Variants in VPS28 observed in about 807,000 individuals in gnomAD.
The protein encoded by VPS28 is vacuolar protein sorting-associated protein 28 homolog.
Under a neutral mutation model 33.7 loss-of-function variants are expected in VPS28, and 29 were observed. That is an observed-to-expected ratio of 0.86 (90% CI 0.64 to 1.17). The LOEUF (loss-of-function observed/expected upper bound fraction) is 1.17, where lower values mean the gene tolerates loss of function less well. Among genes scored for constraint, VPS28 ranks in the 50% most tolerant of loss-of-function variants. VPS28 has a pLI of 0.00. For missense variants in VPS28, 247 were observed against 312.2 expected (o/e 0.79, Z 1.57); for synonymous variants, 164 against 116.7 (o/e 1.40, Z -2.61).
intron 2 of VPS28, chr8:144,426,624 A>G: frequency 4.1e-6 from 2 of 484,356 alleles, no homozygotes; most frequent in Admixed American, 3.7e-5. Flanking sequence ...AAGGCTCACC[A>G]CACACAGCCT....
intron 1 of VPS28, chr8:144,427,209 G>A (rs557722880): frequency 1.0e-4 from 34 of 328,724 alleles, no homozygotes; most frequent in Non-Finnish European, 1.7e-4. Flanking sequence ...TGAGGCAGGA[G>A]AATCGCTTGA....
rs1303744314 is a variant in VPS28, at chr8:144,426,848, A to G, written c.37+61T>C. The G allele has an allele frequency of 5.6e-6, 9 of 1,595,892 alleles. No homozygotes were observed. In the Admixed American group the frequency reaches 6.7e-5, roughly 12 times the overall value. On this transcript the variant is annotated intron_variant, in intron 2 of 9. Coordinates refer to ENST00000292510, the MANE Select transcript of VPS28 (RefSeq NM_016208.4). ...CCCCACCCCCGATCCCCAATACCCAATACTGCCCGTCAGCCCCTGCAGAAG... is the reference window on the plus strand; with the variant it reads ...CCCCACCCCCGATCCCCAATACCCAGTACTGCCCGTCAGCCCCTGCAGAAG...
chr8:144,428,063 T>C (rs1586673246), intron 1 of VPS28, among the ~76,000 whole-genome samples: 1 of 150,732 alleles, frequency 6.6e-6, no homozygotes, highest in Admixed American at 6.6e-5. Flanking sequence ...GCCGAAGCCC[T>C]GGGGCGCCCC....
At chr8:144,426,526 A>G (rs1554876832) in intron 2 of VPS28, 2 of 426,962 alleles carry the variant, frequency 4.7e-6, no homozygotes, top group African/African-American at 4.1e-5. Flanking sequence ...TGACAGGCCC[A>G]GCTCCCCAGC....
At chr8:144,425,971 C>T (rs1822708201) in intron 4 of VPS28, 55 bp downstream of exon 4, 6 of 1,470,534 alleles carry the variant, frequency 4.1e-6, no homozygotes, top group East Asian at 2.5e-5. Flanking sequence ...GGGGCTGCCC[C>T]AGGGCAGCCA....
chr8:144,425,123 C>G (rs1019929826), intron 5 of VPS28, 72 bp from the exon 6 acceptor site: 11 of 1,387,588 alleles, frequency 7.9e-6, no homozygotes, highest in Admixed American at 2.0e-5. Flanking sequence ...CTCGGCTGGT[C>G]CAGAGGCAAA....
intron 2 of VPS28, chr8:144,426,669 C>T: frequency 1.9e-6 from 1 of 523,882 alleles, no homozygotes; most frequent in Non-Finnish European, 3.4e-6. Flanking sequence ...GTGCCCAGGA[C>T]CCCCACCGTT....
At position 144,426,520 on chromosome 8, in the gene VPS28, A is replaced by G. The variant is rs561869796; in HGVS notation, c.38-312T>C. On this transcript the variant is annotated intron_variant, in intron 2 of 9. Coordinates refer to ENST00000292510, the MANE Select transcript of VPS28 (RefSeq NM_016208.4). ...GCGGCTCCCCGGGGGACCGCATGAC[A>G]GGCCCAGCTCCCCAGCTCCACCATG... 2.0e-4 allele frequency: 85 copies of G among 434,616 alleles called. 3 individuals carry two copies. In the South Asian group the frequency reaches 2.4e-3, roughly 12 times the overall value. The allele number at this position is 434,616 out of a possible 1,614,324, so 26.9% of individuals were successfully genotyped here.
chr8:144,426,094 T>G (rs781809161), intron 3 of VPS28, 31 bp from the exon 4 acceptor site: 4 of 1,558,586 alleles, frequency 2.6e-6, no homozygotes, highest in African/African-American at 1.4e-5. Flanking sequence ...TGTGGGCCAG[T>G]GCCAACAGGG....
intron 2 of VPS28, chr8:144,426,635 C>T (rs1005545425): frequency 1.6e-5 from 8 of 498,554 alleles, no homozygotes; most frequent in African/African-American, 1.6e-4. Flanking sequence ...CACACAGCCT[C>T]TCCCCTGGGA....
Position 144,424,087 on chromosome 8 carries a change from T to C in VPS28, c.502A>G (p.Ser168Gly). 9 of 1,561,834 alleles carry C rather than the reference T, an allele frequency of 5.8e-6. No individual in the cohort carries two copies. Among genetic ancestry groups the C allele is most frequent in the Non-Finnish European group, 7.0e-6 (8 of 1,150,610 alleles). ...RELMETMHRM[S>G]HLPPDFEGRQ... The stretch of plus-strand genomic sequence containing the variant: ...CCCTCAAAGTCGGGTGGGAGGTGGC[T>C]CATGCGGTGCATGGTCTCCATCAGC... Residue 168 changes from serine (S) to glycine (G), a missense_variant, in exon 9 of 10, where the codon AGC becomes GGC. Around this residue, in one of 3 missense-constraint regions of VPS28, gnomAD observed 95 missense variants for 118.3 expected, o/e 0.80. Transcript: ENST00000292510.
chr8:144,425,280 C>T (rs1300561177), intron 5 of VPS28: 3 of 595,278 alleles, frequency 5.0e-6, no homozygotes, highest in East Asian at 2.8e-5. Context: ...CAACCCCTGC[C>T]CACCCTCTGA....
At chr8:144,424,542 G>T in intron 7 of VPS28, 176 bp downstream of exon 7, 1 of 822,394 alleles carries the variant, frequency 1.2e-6, no homozygotes, top group Non-Finnish European at 1.9e-6. Context: ...GAGTCCAGGT[G>T]GCCTGGGGGC....
Position 144,424,659 on chromosome 8 carries a change from C to T in VPS28, c.402+59G>A. The stretch of plus-strand genomic sequence containing the variant: ...GAGGCCCAGGACCCTACGCTCGTGC[C>T]CAGCTGCAGCAGGCAGCCTCGGCTC... On this transcript the variant is annotated intron_variant, in intron 7 of 9. Coordinates refer to ENST00000292510, the MANE Select transcript of VPS28 (RefSeq NM_016208.4). 3 of 1,577,426 alleles carry T rather than the reference C, an allele frequency of 1.9e-6. No homozygotes were observed. The South Asian group carries it at 3.3e-5, about 17-fold the overall frequency.
Position 144,424,276 on chromosome 8 carries a change from C to G in VPS28, c.403-8G>C, listed in dbSNP as rs111915682. The G allele has an allele frequency of 6.3e-7, 1 of 1,595,418 alleles. No homozygotes were observed. Among genetic ancestry groups the G allele is most frequent in the Non-Finnish European group, 8.5e-7 (1 of 1,170,116 alleles). ...CATGACCGTGATGAAGAGCTGGGGG[C>G]AGGTGTGCACATGAGGCTCGCGTGT... On this transcript the variant is annotated splice_region_variant and splice_polypyrimidine_tract_variant and intron_variant, in intron 7 of 9. Transcript: ENST00000292510.
At position 144,424,075 on chromosome 8, in the gene VPS28, G is replaced by A; in HGVS notation, c.514C>T (p.Pro172Ser). 2 of 1,565,812 alleles carry A rather than the reference G, an allele frequency of 1.3e-6. No homozygotes were observed. The highest frequency in any genetic ancestry group is 1.7e-6 in the Non-Finnish European group (2 of 1,152,520). ...ETMHRMSHLP[P>S]DFEGRQTVSQ... Reference sequence around the variant, plus strand: ...ACCGTCTGGCGGCCCTCAAAGTCGGGTGGGAGGTGGCTCATGCGGTGCATG... The same window carrying A: ...ACCGTCTGGCGGCCCTCAAAGTCGGATGGGAGGTGGCTCATGCGGTGCATG... Residue 172 changes from proline to serine, a missense_variant, in exon 9 of 10, where the codon CCC becomes TCC. Coordinates refer to ENST00000292510, the MANE Select transcript of VPS28 (RefSeq NM_016208.4).
chr8:144,428,303 G>T (rs1295745018), intron 1 of VPS28, among the ~76,000 whole-genome samples, 186 bp downstream of exon 1: 1 of 152,260 alleles, frequency 6.6e-6, no homozygotes, highest in African/African-American at 2.4e-5. Flanking sequence ...AAGCAAATGT[G>T]CAAAACAACC....
At chr8:144,427,080 AC>A in intron 1 of VPS28, 101 bp from the exon 2 acceptor site, 1 of 821,650 alleles carries the variant, frequency 1.2e-6, no homozygotes, top group Non-Finnish European at 1.9e-6. Flanking sequence ...TGAGCGGATC[AC>A]CTGAGGTCAG....
At position 144,424,288 on chromosome 8, in the gene VPS28, T is replaced by C. The variant is rs782042684; in HGVS notation, c.403-20A>G. ...GAAGAGCTGGGGGCAGGTGTGCACATGAGGCTCGCGTGTCCACGGGTGCGG... is the reference window on the plus strand; with the variant it reads ...GAAGAGCTGGGGGCAGGTGTGCACACGAGGCTCGCGTGTCCACGGGTGCGG... On this transcript the variant is annotated intron_variant, in intron 7 of 9. Coordinates refer to ENST00000292510, the MANE Select transcript of VPS28 (RefSeq NM_016208.4). 6 of 1,580,352 alleles carry C rather than the reference T, an allele frequency of 3.8e-6. No individual in the cohort carries two copies. The highest frequency in any genetic ancestry group is 2.3e-5 in the South Asian group (2 of 87,460).
Sources: allele counts gnomAD v4.1 joint callset (sites outside exome capture counted in the v4.1 genomes callset), GRCh38; gene constraint gnomAD v4.1.1; regional missense constraint gnomAD v4.1.1; transcripts MANE v1.5; gene names NCBI Gene and HGNC (gene_info 2026-07-23, HGNC 2026-07-21).